The following ITSN2 variants were observed in gnomAD, a reference collection of about 807,000 sequenced individuals.
The protein encoded by ITSN2 is intersectin-2.
In ITSN2, 156 loss-of-function variants were observed where a neutral mutation model predicts 243.7. That is an observed-to-expected ratio of 0.64 (90% CI 0.56 to 0.73). The LOEUF (loss-of-function observed/expected upper bound fraction) is 0.73. ITSN2 is among the 30% of genes least tolerant of loss of function. The pLI, the probability that ITSN2 is intolerant of heterozygous loss-of-function variation, is 0.00. For missense variants in ITSN2, 1,801 were observed against 1,996.1 expected (o/e 0.90, Z 1.86); for synonymous variants, 703 against 699.9 (o/e 1.00, Z -0.07).
At position 24,315,186 on chromosome 2, in the gene ITSN2, T is replaced by C. The variant is rs773510274; in HGVS notation, c.70A>G (p.Thr24Ala). 7.4e-6 allele frequency: 12 copies of C among 1,612,746 alleles called. No individual in the cohort carries two copies. In the African/African-American group the frequency reaches 1.3e-4, roughly 18 times the overall value. ...NMWAITSEER[T>A]KHDRQFDNLK... ...TTATCAAACTGCCTGTCATGCTTAG[T>C]ACGTTCTTCAGAGGTAATAGCCCAC... Residue 24 changes from threonine to alanine, a missense_variant, in exon 3 of 40, where the codon ACT (threonine) becomes GCT (alanine). By Grantham distance (58) the Thr-to-Ala change is moderately conservative. Transcript: ENST00000355123.
At chr2:24,357,825 C>T (rs1688588275) in intron 1 of ITSN2, among the ~76,000 whole-genome samples, 1 of 152,180 alleles carries the variant, frequency 6.6e-6, no homozygotes, top group Admixed American at 6.5e-5. Flanking sequence ...CAAGTAAATA[C>T]AATATGTAAA....
At chr2:24,222,360 A>G (rs767650196) in intron 29 of ITSN2, among the ~76,000 whole-genome samples, 3 of 151,828 alleles carry the variant, frequency 2.0e-5, no homozygotes, top group Non-Finnish European at 4.4e-5. Flanking sequence ...CCATGAAGAG[A>G]GAGTTCTCAT....
chr2:24,275,068 A>C (rs941377461), intron 18 of ITSN2, among the ~76,000 whole-genome samples: 46 of 152,222 alleles, frequency 3.0e-4, no homozygotes, highest in Non-Finnish European at 2.4e-4. Context: ...GAAATGCATC[A>C]ATGTGGCATT....
At chr2:24,359,712 A>G (rs914604272) in intron 1 of ITSN2, among the ~76,000 whole-genome samples, 1 of 152,178 alleles carries the variant, frequency 6.6e-6, no homozygotes, top group African/African-American at 2.4e-5. Context: ...TATATTCTGG[A>G]AGTCAATAAC....
chr2:24,334,129 G>C (rs1686089801), intron 1 of ITSN2, among the ~76,000 whole-genome samples: 1 of 151,924 alleles, frequency 6.6e-6, no homozygotes, highest in South Asian at 2.1e-4. Flanking sequence ...TGCGATCTCA[G>C]CTCACTGCAA....
At chr2:24,342,749 GTAAC>G (rs1187575598) in intron 1 of ITSN2, among the ~76,000 whole-genome samples, 1 of 151,778 alleles carries the variant, frequency 6.6e-6, no homozygotes, top group African/African-American at 2.4e-5. Flanking sequence ...CAAAAGCAGA[GTAAC>G]TAGTGTGGTC....
rs529026903 is a variant in ITSN2, at chr2:24,270,740, A to G, written c.2286T>C (p.Tyr762=). 21 of 1,596,582 alleles carry G rather than the reference A, an allele frequency of 1.3e-5. No homozygotes were observed. In the East Asian group the frequency reaches 2.7e-4, roughly 20 times the overall value. ...KRETASVLVN[Y]RALYPFEARN... ...TTGCTTCAAAGGGGTATAATGCTCT[A>G]TAATTCACCAAAACACTAGCTGTCT... The change falls in exon 20 of 40, where the codon TAT becomes TAC. Residue 762 remains tyrosine (Y), a synonymous_variant. Transcript: ENST00000355123.
chr2:24,252,304 A>C, intron 25 of ITSN2, 41 bp downstream of exon 25: 1 of 1,388,216 alleles, frequency 7.2e-7, no homozygotes, highest in Non-Finnish European at 1.0e-6. Context: ...TTAAGTATAA[A>C]CCTGATTAAC....
chr2:24,203,991 A>G (rs1358380817), intron 39 of ITSN2: 6 of 636,264 alleles, frequency 9.4e-6, no homozygotes, highest in Non-Finnish European at 8.1e-6. Flanking sequence ...TCAAATCTCC[A>G]TTCTGAGAAT....
chr2:24,258,946 C>T (rs144709810), intron 22 of ITSN2, among the ~76,000 whole-genome samples: 1 of 152,142 alleles, frequency 6.6e-6, no homozygotes, highest in African/African-American at 2.4e-5. Context: ...TTTGTCCAAC[C>T]CTTTTCCCTT....
intron 1 of ITSN2, among the ~76,000 whole-genome samples, chr2:24,337,315 A>AATATATATATATATACATAT (rs70944741): frequency 0.085 from 2,717 of 31,856 alleles, 762 homozygotes; most frequent in Non-Finnish European, 0.1. Flanking sequence ...GTATACACAA[A>AATATATATATATATACATAT]ATATATATAT....
intron 36 of ITSN2, 60 bp from the exon 37 acceptor site, chr2:24,208,379 C>T (rs181398383): frequency 3.2e-5 from 40 of 1,241,080 alleles, no homozygotes; most frequent in Non-Finnish European, 4.6e-5. Context: ...CAGCGTGGAG[C>T]CCCAGAGCTC....
intron 15 of ITSN2, among the ~76,000 whole-genome samples, chr2:24,290,826 T>C (rs1273442119): frequency 6.6e-6 from 1 of 152,246 alleles, no homozygotes; most frequent in East Asian, 1.9e-4. Flanking sequence ...TCTACTTTTC[T>C]ATTTCTGATC....
intron 29 of ITSN2, among the ~76,000 whole-genome samples, chr2:24,243,684 C>A (rs1475533776): frequency 6.6e-6 from 1 of 152,100 alleles, no homozygotes; most frequent in Non-Finnish European, 1.5e-5. Context: ...GACGATCAGT[C>A]TTCCTGCCTC....
chr2:24,239,782 T>G (rs1169447912), intron 29 of ITSN2: 1 of 152,134 alleles, frequency 6.6e-6, no homozygotes, highest in East Asian at 1.9e-4. Context: ...CATGCACTTT[T>G]AAGAAAGACT....
intron 15 of ITSN2, among the ~76,000 whole-genome samples, chr2:24,290,285 G>A (rs1187508882): frequency 1.3e-5 from 2 of 151,952 alleles, no homozygotes; most frequent in South Asian, 2.1e-4. Flanking sequence ...ATTTTAATTT[G>A]TATTTTCTTG....
At chr2:24,230,675 G>A (rs1299178486) in intron 29 of ITSN2, among the ~76,000 whole-genome samples, 1 of 152,040 alleles carries the variant, frequency 6.6e-6, no homozygotes, top group African/African-American at 2.4e-5. Context: ...GGCCGAGGCT[G>A]GAGAATTGCT....
rs1003878266 is a variant in ITSN2, at chr2:24,217,000, C to G, written c.3807-768G>C. On this transcript the variant is annotated intron_variant, in intron 31 of 39. Transcript: ENST00000355123. ...TCGGGAGGCTGAGGCAGGAGAATGGCGTGAACCCGGGAGGCGGAGCTGGCA... is the reference window on the plus strand; with the variant it reads ...TCGGGAGGCTGAGGCAGGAGAATGGGGTGAACCCGGGAGGCGGAGCTGGCA... 2.0e-3 allele frequency among the ~76,000 whole-genome samples: 300 copies of G among 149,594 alleles called. 1 individual carries two copies. The highest frequency in any genetic ancestry group is 3.3e-3 in the Non-Finnish European group (226 of 67,492).
chr2:24,289,935 T>C (rs1271987772), intron 15 of ITSN2, among the ~76,000 whole-genome samples: 1 of 152,218 alleles, frequency 6.6e-6, no homozygotes, highest in East Asian at 1.9e-4. Context: ...CCCCATTGAT[T>C]ATGATAGCTG....
Sources: allele counts gnomAD v4.1 joint callset (sites outside exome capture counted in the v4.1 genomes callset), GRCh38; gene constraint gnomAD v4.1.1; transcripts MANE v1.5; gene names NCBI Gene and HGNC (gene_info 2026-07-23, HGNC 2026-07-21).